Variants in SLC25A26 observed in about 807,000 individuals in gnomAD.
The protein encoded by SLC25A26 is solute carrier family 25 member 26.
SLC25A26 carries 36 observed loss-of-function variants against 37.8 expected under a neutral mutation model. That is an observed-to-expected ratio of 0.95 (90% CI 0.73 to 1.26). SLC25A26 has a LOEUF of 1.26. Ranked by LOEUF, SLC25A26 falls within the 50% of genes most tolerant of loss-of-function variation. SLC25A26 has a pLI of 0.00. For synonymous variants in SLC25A26, 129 were observed against 122.5 expected (o/e 1.05, Z -0.35); for missense variants, 390 against 331.1 (o/e 1.18, Z -1.38).
rs142534845 is a variant in SLC25A26 at position 66,325,586 on chromosome 3, G to A, written c.454-20778G>A. The stretch of plus-strand genomic sequence containing the variant: ...AATGGCATTTTCCTGAGGGTATGCT[G>A]TTGGGTCTGAGTTCTGATTTATGAA... On this transcript the variant is annotated intron_variant, in intron 5 of 9. Coordinates refer to ENST00000354883, the MANE Select transcript of SLC25A26 (RefSeq NM_001379210.1). Among the ~76,000 whole-genome samples, 30 of 152,294 alleles carry A rather than the reference G, an allele frequency of 2.0e-4. No individual in the cohort carries two copies. The East Asian group carries it at 2.5e-3, about 13-fold the overall frequency.
rs142022410 is a variant in SLC25A26 at position 66,265,366 on chromosome 3, G to T, written c.453+1987G>T. Reference sequence around the variant, plus strand: ...TATAATCTTTGCTTCACATAGAAGAGACTATCTTGAAAAAGTTAGTTTTTT... The same window carrying T: ...TATAATCTTTGCTTCACATAGAAGATACTATCTTGAAAAAGTTAGTTTTTT... On this transcript the variant is annotated intron_variant, in intron 5 of 9. Coordinates refer to ENST00000354883, the MANE Select transcript of SLC25A26 (RefSeq NM_001379210.1). Among the ~76,000 whole-genome samples the T allele has an allele frequency of 6.5e-4, 99 of 152,238 alleles. 1 individual carries two copies. In the East Asian group the frequency reaches 0.016, roughly 24 times the overall value.
At chr3:66,341,948 A>G (rs999929871) in intron 5 of SLC25A26, among the ~76,000 whole-genome samples, 17 of 152,106 alleles carry the variant, frequency 1.1e-4, no homozygotes, top group African/African-American at 4.1e-4. Flanking sequence ...AATTATCACT[A>G]TGGGACAAGG....
At chr3:66,299,814 G>T (rs977820768) in intron 5 of SLC25A26, among the ~76,000 whole-genome samples, 1 of 152,130 alleles carries the variant, frequency 6.6e-6, no homozygotes, top group South Asian at 2.1e-4. Flanking sequence ...TCCACATGCG[G>T]GTAGTTTTTG....
chr3:66,269,191 G>T (rs114686388), intron 5 of SLC25A26, among the ~76,000 whole-genome samples: 1 of 152,210 alleles, frequency 6.6e-6, no homozygotes, highest in African/African-American at 2.4e-5. Context: ...AAAGGCGGCT[G>T]TGATAGCAGT....
upstream of SLC25A26, among the ~76,000 whole-genome samples, chr3:66,216,789 T>C (rs1245462517): frequency 6.6e-6 from 1 of 152,106 alleles, no homozygotes; most frequent in Non-Finnish European, 1.5e-5. Context: ...ACATGTGTAA[T>C]GCAAATCAGT....
chr3:66,170,811 T>G (rs1451833093), intron 1 of SLC25A26, among the ~76,000 whole-genome samples: 2 of 134,758 alleles, frequency 1.5e-5, no homozygotes, highest in Non-Finnish European at 3.2e-5. Context: ...TTTTTTTTTT[T>G]TTTTTTTTTT....
At chr3:66,140,818 A>T (rs1428214870) in intron 1 of SLC25A26, among the ~76,000 whole-genome samples, 1 of 152,164 alleles carries the variant, frequency 6.6e-6, no homozygotes, top group Non-Finnish European at 1.5e-5. Flanking sequence ...AGCCCTTTTA[A>T]CAACTGCAGT....
chr3:66,200,616 A>G (rs1171167076), intron 1 of SLC25A26, among the ~76,000 whole-genome samples: 1 of 152,268 alleles, frequency 6.6e-6, no homozygotes, highest in Non-Finnish European at 1.5e-5. Flanking sequence ...AGCAAAAGAG[A>G]TAAATGATCA....
intron 7 of SLC25A26, among the ~76,000 whole-genome samples, chr3:66,369,025 C>CAAAAAAAAAAAAAAAAAA (rs1201555171): frequency 6.1e-5 from 2 of 32,956 alleles, no homozygotes; most frequent in Non-Finnish European, 1.1e-4. Context: ...CCTGTCTTTT[C>CAAAAAAAAAAAAAAAAAA]AAAAAAAAAA....
chr3:66,249,684 C>T (rs1247986391), intron 3 of SLC25A26, among the ~76,000 whole-genome samples: 7 of 152,194 alleles, frequency 4.6e-5, no homozygotes, highest in African/African-American at 1.7e-4. Context: ...GATTATCTCT[C>T]CCTTGCAGCT....
intron 6 of SLC25A26, among the ~76,000 whole-genome samples, chr3:66,355,508 T>C (rs2076554545): frequency 6.6e-6 from 1 of 152,190 alleles, no homozygotes; most frequent in African/African-American, 2.4e-5. Flanking sequence ...AAAAATTCAT[T>C]TTAGCCTTTT....
At chr3:66,323,169 C>A (rs1434062508) in intron 5 of SLC25A26, among the ~76,000 whole-genome samples, 1 of 152,078 alleles carries the variant, frequency 6.6e-6, no homozygotes, top group Admixed American at 6.6e-5. Context: ...TGCGGTCTTT[C>A]CCTCAGATTG....
chr3:66,374,806 A>G (rs1700548535), intron 9 of SLC25A26, among the ~76,000 whole-genome samples: 1 of 152,156 alleles, frequency 6.6e-6, no homozygotes, highest in Non-Finnish European at 1.5e-5. Context: ...ACCTGAGCTC[A>G]GCAGGTAGAG....
At chr3:66,277,689 AG>A (rs1380919077) in intron 5 of SLC25A26, among the ~76,000 whole-genome samples, 5 of 152,140 alleles carry the variant, frequency 3.3e-5, no homozygotes, top group African/African-American at 1.2e-4. Flanking sequence ...TCACTTACAA[AG>A]GGGAAAATAG....
At chr3:66,189,903 G>C (rs955898506) in intron 1 of SLC25A26, among the ~76,000 whole-genome samples, 1 of 152,102 alleles carries the variant, frequency 6.6e-6, no homozygotes, top group Non-Finnish European at 1.5e-5. Flanking sequence ...CAGTTCAAGT[G>C]ATCCTCTCAC....
chr3:66,291,421 C>G (rs1345366591), intron 5 of SLC25A26, among the ~76,000 whole-genome samples: 1 of 152,176 alleles, frequency 6.6e-6, no homozygotes, highest in Admixed American at 6.5e-5. Flanking sequence ...ATCTTTCCTG[C>G]TTTCTCCTGT....
intron 1 of SLC25A26, among the ~76,000 whole-genome samples, chr3:66,191,150 G>A (rs988963604): frequency 1.3e-5 from 2 of 152,114 alleles, no homozygotes; most frequent in Non-Finnish European, 2.9e-5. Context: ...CTACTGTAAG[G>A]GACAATAATA....
intron 5 of SLC25A26, among the ~76,000 whole-genome samples, chr3:66,320,557 G>A (rs2107640259): frequency 6.6e-6 from 1 of 152,286 alleles, no homozygotes; most frequent in East Asian, 1.9e-4. Flanking sequence ...TGGTATGCAA[G>A]GTTCTGTCTG....
At chr3:66,295,716 T>C (rs2074879698) in intron 5 of SLC25A26, among the ~76,000 whole-genome samples, 1 of 151,910 alleles carries the variant, frequency 6.6e-6, no homozygotes, top group African/African-American at 2.4e-5. Context: ...GCCAGGCTGA[T>C]CTTGAACTCC....
Sources: gnomAD v4.1 joint callset for allele counts (sites outside exome capture counted in the v4.1 genomes callset) on GRCh38, gnomAD v4.1.1 for gene constraint, MANE v1.5 for transcripts, NCBI Gene and HGNC (gene_info 2026-07-23, HGNC 2026-07-21) for gene names.